The following CMTM8 variants were observed in gnomAD, a reference collection of about 807,000 sequenced individuals.
CMTM8 encodes CKLF-like MARVEL transmembrane domain-containing protein 8.
In CMTM8, 12 loss-of-function variants were observed where a neutral mutation model predicts 18.6. The observed-to-expected ratio is 0.65, with a 90% CI of 0.41 to 1.05. CMTM8 has a LOEUF of 1.05. CMTM8 is among the 50% of genes least tolerant of loss of function. The pLI is 0.00. For missense variants in CMTM8, 217 were observed against 227.2 expected (o/e 0.95, Z 0.29); for synonymous variants, 87 against 90.6 (o/e 0.96, Z 0.23).
At chr3:32,281,802 C>A (rs1702614049) in intron 1 of CMTM8, among the ~76,000 whole-genome samples, 1 of 152,152 alleles carries the variant, frequency 6.6e-6, no homozygotes, top group Admixed American at 6.5e-5. Context: ...GCCTGAAGGC[C>A]ACATTGACAC....
At chr3:32,348,529 C>CTTTTTTTTTTTTTTTTTTTTTTTTT (rs56252781) in intron 1 of CMTM8, among the ~76,000 whole-genome samples, 3 of 102,052 alleles carry the variant, frequency 2.9e-5, no homozygotes, top group Non-Finnish European at 5.6e-5. Flanking sequence ...CTTCCTGGAA[C>CTTTTTTTTTTTTTTTTTTTTTTTTT]TTTTTTTTTT....
intron 1 of CMTM8, among the ~76,000 whole-genome samples, chr3:32,280,269 C>T (rs1702586618): frequency 6.6e-6 from 1 of 152,114 alleles, no homozygotes; most frequent in South Asian, 2.1e-4. Flanking sequence ...AGGAAAACCC[C>T]AACTTTCCAT....
chr3:32,331,705 TA>T (rs1242794003), intron 1 of CMTM8, among the ~76,000 whole-genome samples: 1 of 152,144 alleles, frequency 6.6e-6, no homozygotes, highest in Non-Finnish European at 1.5e-5. Context: ...TTATTCAGCC[TA>T]AAAAAGGAAA....
chr3:32,276,154 T>G (rs908805928), intron 1 of CMTM8, among the ~76,000 whole-genome samples: 1 of 152,118 alleles, frequency 6.6e-6, no homozygotes, highest in Non-Finnish European at 1.5e-5. Flanking sequence ...TCTTCTCCCC[T>G]TCTGTTTTGT....
chr3:32,322,090 T>A (rs142678630), intron 1 of CMTM8, among the ~76,000 whole-genome samples: 1 of 152,286 alleles, frequency 6.6e-6, no homozygotes, highest in African/African-American at 2.4e-5. Flanking sequence ...TCCCTTCTCA[T>A]GGGAGTCCCT....
At chr3:32,352,204 C>CA (rs754856970) in intron 1 of CMTM8, among the ~76,000 whole-genome samples, 3,626 of 65,882 alleles carry the variant, frequency 0.055, 83 homozygotes, top group South Asian at 0.11. Flanking sequence ...CACACACTCA[C>CA]AAAAAAAAAA....
chr3:32,310,810 T>C (rs2125569257), intron 1 of CMTM8, among the ~76,000 whole-genome samples: 1 of 152,346 alleles, frequency 6.6e-6, no homozygotes, highest in South Asian at 2.1e-4. Flanking sequence ...GAGGAAAACA[T>C]AGAAATTTGG....
chr3:32,324,786 T>C lies in CMTM8; in HGVS notation c.148-32587T>C, dbSNP rs1197100740. 3.9e-5 allele frequency among the ~76,000 whole-genome samples: 6 copies of C among 152,318 alleles called. No individual in the cohort carries two copies. The South Asian group carries it at 6.2e-4, about 16-fold the overall frequency. On this transcript the variant is annotated intron_variant, in intron 1 of 3. Coordinates refer to ENST00000307526, the MANE Select transcript of CMTM8 (RefSeq NM_178868.5). ...AACAGGAGGGAAGTGTATAGATTTTTACACATATGTGGGAGCCCCCATAGG... is the reference window on the plus strand; with the variant it reads ...AACAGGAGGGAAGTGTATAGATTTTCACACATATGTGGGAGCCCCCATAGG...
At position 32,367,936 on chromosome 3, in the gene CMTM8, C is replaced by G. The variant is rs1381742959; in HGVS notation, c.386C>G (p.Ser129Cys). 1.2e-6 allele frequency: 2 copies of G among 1,614,192 alleles called. No homozygotes were observed. Among genetic ancestry groups the G allele is most frequent in the African/African-American group, 2.7e-5 (2 of 75,058 alleles). ...TCTGCCGCTGTTGTAGATGCATCTT[C>G]CGTCTCCCCTGAGAGGGACAGTCAC... ...YLSAAVVDAS[S>C]VSPERDSHNF... Residue 129 changes from serine (S) to cysteine (C), a missense_variant, in exon 3 of 4, where the codon TCC becomes TGC. By Grantham distance (112) the Ser-to-Cys change is moderately radical. Transcript: ENST00000307526.
At chr3:32,329,814 T>C (rs1026262454) in intron 1 of CMTM8, among the ~76,000 whole-genome samples, 5 of 152,156 alleles carry the variant, frequency 3.3e-5, no homozygotes, top group African/African-American at 9.7e-5. Context: ...AGTGATTATC[T>C]ATGTTAACCA....
intron 1 of CMTM8, among the ~76,000 whole-genome samples, chr3:32,336,293 C>T (rs1696385818): frequency 6.6e-6 from 1 of 152,226 alleles, no homozygotes; most frequent in Non-Finnish European, 1.5e-5. Flanking sequence ...TTCTCAGGCT[C>T]TGTGCAGTCC....
At chr3:32,260,068 C>G (rs112952819) in intron 1 of CMTM8, 52,577 of 1,095,624 alleles carry the variant, frequency 0.048, 1,637 homozygotes, top group African/African-American at 0.11. Context: ...AGGCTGAGAT[C>G]GCCAGCTACC....
intron 1 of CMTM8, among the ~76,000 whole-genome samples, chr3:32,278,136 A>G (rs1259138150): frequency 6.6e-6 from 1 of 152,168 alleles, no homozygotes; most frequent in Non-Finnish European, 1.5e-5. Context: ...TCCAGCCTTC[A>G]GTAGGATGGA....
At chr3:32,247,377 A>G (rs888798174) in intron 1 of CMTM8, among the ~76,000 whole-genome samples, 3 of 152,104 alleles carry the variant, frequency 2.0e-5, no homozygotes, top group Non-Finnish European at 4.4e-5. Flanking sequence ...CGGTGGCACA[A>G]TCTCAGCTCA....
chr3:32,301,657 G>T (rs1268196649), intron 1 of CMTM8, among the ~76,000 whole-genome samples: 1 of 151,452 alleles, frequency 6.6e-6, no homozygotes, highest in Non-Finnish European at 1.5e-5. Flanking sequence ...TTGCACTGGG[G>T]ATTCCTGAAA....
At chr3:32,283,848 A>G (rs1702639814) in intron 1 of CMTM8, among the ~76,000 whole-genome samples, 1 of 152,252 alleles carries the variant, frequency 6.6e-6, no homozygotes. Context: ...AGGTGTGTTC[A>G]GATGACTGTG....
At chr3:32,357,648 G>A (rs1365576197) in intron 2 of CMTM8, 102 bp downstream of exon 2, 14 of 1,208,448 alleles carry the variant, frequency 1.2e-5, no homozygotes, top group Non-Finnish European at 1.5e-5. Flanking sequence ...CAGAAAAGGT[G>A]GGGCCATACC....
At chr3:32,251,661 A>C (rs1486122359) in intron 1 of CMTM8, among the ~76,000 whole-genome samples, 2 of 152,122 alleles carry the variant, frequency 1.3e-5, no homozygotes, top group African/African-American at 4.8e-5. Context: ...TTTGTCAGAA[A>C]TTCTAATTTG....
chr3:32,239,936 C>A (rs1246505061), intron 1 of CMTM8, among the ~76,000 whole-genome samples: 1 of 152,162 alleles, frequency 6.6e-6, no homozygotes, highest in Non-Finnish European at 1.5e-5. Flanking sequence ...AGAGAGGGGA[C>A]GTAAATCACA....
Sources: allele counts gnomAD v4.1 joint callset (sites outside exome capture counted in the v4.1 genomes callset), GRCh38; gene constraint gnomAD v4.1.1; transcripts MANE v1.5; gene names NCBI Gene and HGNC (gene_info 2026-07-23, HGNC 2026-07-21).